ALOXE3: variants seen among roughly 807,000 people sequenced by gnomAD.
ALOXE3 encodes hydroperoxide isomerase ALOXE3.
In ALOXE3, 78 loss-of-function variants were observed where a neutral mutation model predicts 87.5. The observed-to-expected ratio is 0.89, with a 90% CI of 0.74 to 1.08. ALOXE3 has a LOEUF of 1.08. Ranked by LOEUF, ALOXE3 falls within the 50% of genes least tolerant of loss-of-function variation. The pLI is 0.00. For synonymous variants in ALOXE3, 363 were observed against 370.8 expected (o/e 0.98, Z 0.24); for missense variants, 946 against 912.4 (o/e 1.04, Z -0.47).
chr17:8,096,966 T>C (rs920559738), intron 15 of ALOXE3, among the ~76,000 whole-genome samples, 160 bp from the exon 16 acceptor site: 10 of 152,140 alleles, frequency 6.6e-5, no homozygotes, highest in African/African-American at 2.4e-4. Context: ...CCCATGATCC[T>C]GACACGAGGC....
At position 8,118,028 on chromosome 17, in the gene ALOXE3, C is replaced by CGCA. The variant is rs1568006853; in HGVS notation, c.-41_-39dup. The CGCA allele has an allele frequency of 5.6e-6, 9 of 1,603,952 alleles. No individual in the cohort carries two copies. Among genetic ancestry groups the CGCA allele is most frequent in the Non-Finnish European group, 7.6e-6 (9 of 1,177,512 alleles). On this transcript the variant is annotated 5_prime_UTR_variant, in exon 2 of 16. Coordinates refer to ENST00000448843, the MANE Select transcript of ALOXE3 (RefSeq NM_021628.3). ...GAAGGGATGCCCCGGCAACGCTGGC[C>CGCA]GCAGCAGCAGCCGGCCTGGAGGAGA... is the stretch of plus-strand genomic sequence containing the variant.
chr17:8,098,071 C>A (rs1029632871), intron 15 of ALOXE3, among the ~76,000 whole-genome samples: 10 of 151,942 alleles, frequency 6.6e-5, no homozygotes, highest in African/African-American at 2.4e-4. Flanking sequence ...TTAACAAATT[C>A]TTTTTCTCGT....
chr17:8,103,244 A>C (rs1162580206), intron 15 of ALOXE3, 79 bp downstream of exon 15: 1 of 1,542,232 alleles, frequency 6.5e-7, no homozygotes, highest in East Asian at 2.3e-5. Flanking sequence ...ATCAGTCCTC[A>C]AGCCCCCAGA....
At chr17:8,111,710 G>T (rs532593690) in intron 7 of ALOXE3, among the ~76,000 whole-genome samples, 179 bp from the exon 8 acceptor site, 1 of 152,194 alleles carries the variant, frequency 6.6e-6, no homozygotes, top group Non-Finnish European at 1.5e-5. Flanking sequence ...GGAGTGACTT[G>T]CACAGCTGAG....
intron 15 of ALOXE3, among the ~76,000 whole-genome samples, chr17:8,097,622 T>C (rs1978627696): frequency 6.6e-6 from 1 of 152,138 alleles, no homozygotes; most frequent in South Asian, 2.1e-4. Flanking sequence ...TGTACAGGAC[T>C]GTCCCTCCCT....
intron 6 of ALOXE3, among the ~76,000 whole-genome samples, chr17:8,113,313 A>G (rs1305685720): frequency 6.6e-6 from 1 of 152,188 alleles, no homozygotes; most frequent in East Asian, 1.9e-4. Context: ...CTGCCCCACC[A>G]TATCCAGTTC....
Position 8,107,965 on chromosome 17 carries a change from G to GAGA in ALOXE3, c.1684+502_1684+503insTCT. Among the ~76,000 whole-genome samples the GAGA allele has an allele frequency of 3.2e-4, 2 of 6,288 alleles. 1 individual carries two copies. Among genetic ancestry groups the GAGA allele is most frequent in the Admixed American group, 2.6e-3 (2 of 758 alleles). 4.1% of individuals were successfully genotyped at this position (6,288 alleles called of 152,430 possible). On this transcript the variant is annotated intron_variant, in intron 13 of 15. Coordinates refer to ENST00000448843, the MANE Select transcript of ALOXE3 (RefSeq NM_021628.3). ...AGAAAGAAAGAAAGAAAGAAAGGAA[G>GAGA]GAGAGAGAGAGAGAGAGAAAGAAAG... is the stretch of plus-strand genomic sequence containing the variant.
Position 8,115,649 on chromosome 17 carries a change from T to G in ALOXE3, c.392A>C (p.Asp131Ala). The G allele has an allele frequency of 6.2e-7, 1 of 1,614,056 alleles. No individual in the cohort carries two copies. The highest frequency in any genetic ancestry group is 8.5e-7 in the Non-Finnish European group (1 of 1,179,934). Residue 131 changes from aspartate to alanine, a missense_variant, in exon 4 of 16, where the codon GAT (aspartate) becomes GCT (alanine). Asp to Ala is a moderately radical substitution (Grantham distance 126, BLOSUM62 -2). Transcript: ENST00000448843. ...ICQDSLPLLL[D>A]HRTRELRARQ... Reference sequence around the variant, plus strand: ...GGCCCGGAGCTCCCGTGTCCTGTGATCCAGGAGGAGGGGAAGAGAGTCCTG... The same window carrying G: ...GGCCCGGAGCTCCCGTGTCCTGTGAGCCAGGAGGAGGGGAAGAGAGTCCTG...
At chr17:8,106,439 G>A (rs894613064) in intron 13 of ALOXE3, among the ~76,000 whole-genome samples, 1 of 152,154 alleles carries the variant, frequency 6.6e-6, no homozygotes, top group African/African-American at 2.4e-5. Flanking sequence ...CAGCTACTTG[G>A]AAGGCTGAGA....
intron 15 of ALOXE3, among the ~76,000 whole-genome samples, chr17:8,097,747 C>CTT (rs60450170): frequency 0.021 from 2,755 of 129,396 alleles, 105 homozygotes; most frequent in African/African-American, 0.079. Context: ...TACTACTGAT[C>CTT]TTTTTTTTTT....
intron 7 of ALOXE3, among the ~76,000 whole-genome samples, chr17:8,111,798 A>G (rs1980114544): frequency 6.6e-6 from 1 of 150,730 alleles, no homozygotes; most frequent in African/African-American, 2.5e-5. Flanking sequence ...GTAGGGGAAG[A>G]GAGTCGTGTG....
At chr17:8,106,918 G>A (rs1348457748) in intron 13 of ALOXE3, among the ~76,000 whole-genome samples, 2 of 152,120 alleles carry the variant, frequency 1.3e-5, no homozygotes, top group Non-Finnish European at 2.9e-5. Flanking sequence ...ATTAACCTCA[G>A]ACTGACTGAG....
chr17:8,108,295 T>C (rs996224596), intron 13 of ALOXE3, among the ~76,000 whole-genome samples, 173 bp downstream of exon 13: 1 of 152,222 alleles, frequency 6.6e-6, no homozygotes, highest in African/African-American at 2.4e-5. Flanking sequence ...CGGAGCTGGC[T>C]CGGAACCCGC....
chr17:8,107,810 CAAG>C (rs1979450786), intron 13 of ALOXE3, among the ~76,000 whole-genome samples: 2 of 31,288 alleles, frequency 6.4e-5, no homozygotes, highest in African/African-American at 1.6e-4. Flanking sequence ...AAAAAAAAAA[CAAG>C]AAAGAAAGAA....
chr17:8,113,371 G>A (rs139935490), intron 6 of ALOXE3, among the ~76,000 whole-genome samples: 34 of 152,344 alleles, frequency 2.2e-4, no homozygotes, highest in African/African-American at 7.7e-4. Flanking sequence ...AGGGAATGGA[G>A]GCCAGATGCG....
Position 8,116,965 on chromosome 17 carries a change from C to T in ALOXE3, c.163G>A (p.Val55Met). 2 of 1,613,978 alleles carry T rather than the reference C, an allele frequency of 1.2e-6. No homozygotes were observed. The highest frequency in any genetic ancestry group is 1.7e-4 in the Middle Eastern group (1 of 6,060). Residue 55 changes from valine (V) to methionine (M), a missense_variant, in exon 3 of 16, where the codon GTG becomes ATG. Transcript: ENST00000448843. The part of the protein sequence containing the change: ...FAPGSVQKYK[V>M]RCTAELGELL... ...TCACCCAGCTCCGCTGTGCAACGCA[C>T]CTTGTACTTCTGTACCTGAGGGGAC...
At chr17:8,106,799 G>T (rs1979347934) in intron 13 of ALOXE3, among the ~76,000 whole-genome samples, 1 of 152,138 alleles carries the variant, frequency 6.6e-6, no homozygotes, top group Admixed American at 6.6e-5. Flanking sequence ...TACTGTATGT[G>T]ACTCTATAAT....
intron 15 of ALOXE3, among the ~76,000 whole-genome samples, chr17:8,097,652 C>A (rs1978629160): frequency 1.3e-5 from 2 of 152,138 alleles, no homozygotes. Flanking sequence ...ATCACACAAC[C>A]AGCTCATCAC....
intron 13 of ALOXE3, among the ~76,000 whole-genome samples, chr17:8,107,256 C>T (rs1012749860): frequency 6.6e-6 from 1 of 152,178 alleles, no homozygotes; most frequent in Non-Finnish European, 1.5e-5. Context: ...GTGGCTCACA[C>T]CTGTAATCCC....
Sources: gnomAD v4.1 joint callset for allele counts (sites outside exome capture counted in the v4.1 genomes callset) on GRCh38, gnomAD v4.1.1 for gene constraint, MANE v1.5 for transcripts, NCBI Gene and HGNC (gene_info 2026-07-23, HGNC 2026-07-21) for gene names.